CALN1: variants seen among roughly 807,000 people sequenced by gnomAD.
CALN1 encodes the protein calcium-binding protein 8.
Under a neutral mutation model 30.6 loss-of-function variants are expected in CALN1, and 17 were observed. That is an observed-to-expected ratio of 0.56 (90% CI 0.38 to 0.83). The LOEUF is 0.83. CALN1 is among the 40% of genes least tolerant of loss of function. The pLI is 0.00. For missense variants in CALN1, 291 were observed against 354.9 expected, an observed-to-expected ratio of 0.82 and a Z score of 1.45; for synonymous variants, 156 against 131.4, an observed-to-expected ratio of 1.19 and a Z score of -1.28.
intron 2 of CALN1, among the ~76,000 whole-genome samples, chr7:72,293,471 T>A (rs887683313): frequency 4.6e-5 from 7 of 152,188 alleles, no homozygotes; most frequent in Non-Finnish European, 7.3e-5. Flanking sequence ...CCAGCCTCTC[T>A]CTTTTTCCCG....
chr7:72,124,994 T>C (rs569611239), intron 3 of CALN1, among the ~76,000 whole-genome samples: 27 of 152,260 alleles, frequency 1.8e-4, no homozygotes, highest in Non-Finnish European at 3.1e-4. Context: ...CTAGTTCAAG[T>C]GAATATCACC....
chr7:72,397,699 A>G (rs1443455389), intron 2 of CALN1, among the ~76,000 whole-genome samples: 2 of 108,008 alleles, frequency 1.9e-5, no homozygotes. Context: ...GATCTTGGAG[A>G]GCACCCATTC....
chr7:72,116,217 G>A (rs1277738120), intron 3 of CALN1, among the ~76,000 whole-genome samples: 1 of 152,122 alleles, frequency 6.6e-6, no homozygotes, highest in East Asian at 1.9e-4. Flanking sequence ...GCAGAGGCAC[G>A]CCTGAGCCGA....
At chr7:71,805,327 A>G (rs994933883) in intron 6 of CALN1, among the ~76,000 whole-genome samples, 1 of 152,196 alleles carries the variant, frequency 6.6e-6, no homozygotes, top group Non-Finnish European at 1.5e-5. Flanking sequence ...TAGCAAGAGT[A>G]GAGAAGACCT....
the CALN1 span, among the ~76,000 whole-genome samples, chr7:72,504,160 A>G: frequency 6.6e-6 from 1 of 152,172 alleles, no homozygotes; most frequent in African/African-American, 2.4e-5. Context: ...CACCGCATAA[A>G]GGTTAAGATG....
chr7:72,415,477 C>A (rs776493150), upstream of CALN1, among the ~76,000 whole-genome samples: 1 of 152,232 alleles, frequency 6.6e-6, no homozygotes, highest in Non-Finnish European at 1.5e-5. Flanking sequence ...TGCCAGATGT[C>A]ATGATTTAAA....
At chr7:72,295,504 G>T (rs1266446645) in intron 2 of CALN1, among the ~76,000 whole-genome samples, 1 of 151,196 alleles carries the variant, frequency 6.6e-6, no homozygotes, top group African/African-American at 2.4e-5. Context: ...AGCATGGAGT[G>T]TTCTTCCATT....
intron 4 of CALN1, among the ~76,000 whole-genome samples, chr7:72,097,165 G>C (rs534347738): frequency 1.3e-5 from 2 of 152,076 alleles, no homozygotes; most frequent in African/African-American, 4.8e-5. Context: ...GTCGTGGGGT[G>C]GGGGGAGAGG....
chr7:72,042,497 G>A (rs1220434020), intron 4 of CALN1, among the ~76,000 whole-genome samples: 1 of 152,170 alleles, frequency 6.6e-6, no homozygotes, highest in African/African-American at 2.4e-5. Context: ...AAGTTCATTT[G>A]AGAATGAATG....
At chr7:71,847,508 ACC>A (rs1175190580) in intron 5 of CALN1, among the ~76,000 whole-genome samples, 6 of 151,262 alleles carry the variant, frequency 4.0e-5, no homozygotes, top group East Asian at 2.0e-4. Context: ...CAAAACCAAA[ACC>A]AAAACCAAAA....
chr7:72,011,381 G>T (rs1454182318), intron 5 of CALN1, among the ~76,000 whole-genome samples: 1 of 152,094 alleles, frequency 6.6e-6, no homozygotes, highest in Non-Finnish European at 1.5e-5. Flanking sequence ...CTGGTCTCTT[G>T]GCTGCACCGT....
rs963814936 is a variant in CALN1 at position 71,844,780 on chromosome 7, T to C, written c.502-34288A>G. Among the ~76,000 whole-genome samples, 49 of 152,248 alleles carry C rather than the reference T, an allele frequency of 3.2e-4. 1 individual carries two copies. The highest frequency in any genetic ancestry group is 7.3e-5 in the Non-Finnish European group (5 of 68,038). On this transcript the variant is annotated intron_variant, in intron 5 of 6. Coordinates refer to ENST00000395275, the MANE Select transcript of CALN1 (RefSeq NM_031468.4). ...AAAGCAGGGAAGAAATCACATCTTC[T>C]ACCAAATTCTGCCTTAAACTAAGGA...
At chr7:72,028,966 G>A (rs1004370351) in intron 4 of CALN1, among the ~76,000 whole-genome samples, 2 of 152,094 alleles carry the variant, frequency 1.3e-5, no homozygotes, top group African/African-American at 2.4e-5. Flanking sequence ...CCTCCAGCCT[G>A]GGTGAAAGAG....
At chr7:71,978,928 A>T (rs1798246618) in intron 5 of CALN1, among the ~76,000 whole-genome samples, 1 of 152,232 alleles carries the variant, frequency 6.6e-6, no homozygotes, top group Non-Finnish European at 1.5e-5. Flanking sequence ...AAGCACAGGC[A>T]CCAAATGCTT....
chr7:72,261,927 A>C (rs943056663), intron 3 of CALN1, among the ~76,000 whole-genome samples: 1 of 152,214 alleles, frequency 6.6e-6, no homozygotes, highest in African/African-American at 2.4e-5. Context: ...ATAATCAGGG[A>C]AAAGGAACAC....
At chr7:72,490,386 T>C in the CALN1 span, among the ~76,000 whole-genome samples, 119 of 152,360 alleles carry the variant, frequency 7.8e-4, no homozygotes, top group African/African-American at 2.7e-3. Flanking sequence ...GCAATGACTC[T>C]GGAGTCAGGC....
At position 72,049,198 on chromosome 7, in the gene CALN1, C is replaced by T. The variant is rs190749918; in HGVS notation, c.389-25429G>A. Among the ~76,000 whole-genome samples the T allele has an allele frequency of 4.0e-3, 612 of 152,184 alleles. 3 individuals are homozygous for T. The highest frequency in any genetic ancestry group is 0.034 in the Middle Eastern group (10 of 294). The stretch of plus-strand genomic sequence containing the variant: ...GCAACAGCCACAGCACAGATAATCA[C>T]ATCAATAACCTACAGCCCCAACCTA... On this transcript the variant is annotated intron_variant, in intron 4 of 6. Coordinates refer to ENST00000395275, the MANE Select transcript of CALN1 (RefSeq NM_031468.4).
chr7:72,103,769 G>T (rs968788320), intron 4 of CALN1, among the ~76,000 whole-genome samples: 4 of 152,008 alleles, frequency 2.6e-5, no homozygotes, highest in Non-Finnish European at 5.9e-5. Flanking sequence ...GGAGGGGGGG[G>T]GAAGGAGGCT....
intron 3 of CALN1, among the ~76,000 whole-genome samples, chr7:72,220,989 AG>A (rs1554327628): frequency 1.4e-5 from 2 of 143,390 alleles, no homozygotes; most frequent in Non-Finnish European, 3.2e-5. Flanking sequence ...CCCATTTTGT[AG>A]GTTGCCTGTT....
Sources: gnomAD v4.1 joint callset for allele counts (sites outside exome capture counted in the v4.1 genomes callset) on GRCh38, gnomAD v4.1.1 for gene constraint, MANE v1.5 for transcripts, NCBI Gene and HGNC (gene_info 2026-07-23, HGNC 2026-07-21) for gene names.